ZNF724: variants seen among roughly 807,000 people sequenced by gnomAD.
The protein encoded by ZNF724 is zinc finger protein 724 pseudogene.
ZNF724 carries 14 observed loss-of-function variants against 29.3 expected under a neutral mutation model. The observed-to-expected ratio is 0.48, with a 90% confidence interval of 0.32 to 0.75. The LOEUF is 0.75. ZNF724 is among the 30% of genes least tolerant of loss of function. The pLI, the probability that ZNF724 is intolerant of heterozygous loss-of-function variation, is 0.04. For missense variants in ZNF724, 557 were observed against 571.2 expected, an observed-to-expected ratio of 0.98 and a Z score of 0.25; for synonymous variants, 180 against 193.6, an observed-to-expected ratio of 0.93 and a Z score of 0.58.
intron 1 of ZNF724, among the ~76,000 whole-genome samples, chr19:23,244,452 C>T (rs1330249937): frequency 1.3e-5 from 2 of 152,072 alleles, no homozygotes; most frequent in African/African-American, 4.8e-5. Context: ...GGTCTGTCAT[C>T]AGAGATTCTT....
intron 1 of ZNF724, 113 bp from the exon 2 acceptor site, chr19:23,232,406 GA>G (rs1203860633): frequency 1.6e-6 from 1 of 637,984 alleles, no homozygotes; most frequent in East Asian, 2.7e-5. Flanking sequence ...AAAAGTGAAT[GA>G]AATTATCCAA....
intron 1 of ZNF724, among the ~76,000 whole-genome samples, chr19:23,248,827 T>C (rs926786772): frequency 6.6e-6 from 1 of 151,892 alleles, no homozygotes; most frequent in Non-Finnish European, 1.5e-5. Context: ...AAACTCTGTC[T>C]CTACTAAAAA....
At chr19:23,241,556 T>A (rs1599647130) in intron 1 of ZNF724, among the ~76,000 whole-genome samples, 1 of 152,190 alleles carries the variant, frequency 6.6e-6, no homozygotes, top group African/African-American at 2.4e-5. Flanking sequence ...TATAACCAAG[T>A]AGGCTTTATC....
intron 3 of ZNF724, among the ~76,000 whole-genome samples, chr19:23,228,428 T>C (rs1002473211): frequency 5.5e-4 from 80 of 146,272 alleles, no homozygotes; most frequent in African/African-American, 1.8e-3. Flanking sequence ...CACTCCAGCC[T>C]GGGTGACAGA....
Position 23,223,443 on chromosome 19 carries a change from G to A in ZNF724, c.802C>T (p.His268Tyr), listed in dbSNP as rs775996394. Residue 268 changes from histidine to tyrosine, a missense_variant, in exon 4 of 4, where the codon CAC becomes TAC. Physicochemically the swap from His to Tyr is moderately conservative, Grantham distance 83 (BLOSUM62 2). This residue lies in a region of ZNF724 where 362 missense variants were observed against 295.5 expected (regional missense o/e 1.22). Transcript: ENST00000418100. The stretch of plus-strand genomic sequence containing the variant: ...TGAATTATCTTATGTGTAGTAAGGT[G>A]TGAGGATATGTTAAAAGCTTTTCCA... ...ECGKAFNISS[H>Y]LTTHKIIHTG... The A allele has an allele frequency of 6.5e-6, 5 of 766,404 alleles. No individual in the cohort carries two copies. The South Asian group carries it at 6.8e-5, about 10-fold the overall frequency. The allele number at this position is 766,404 out of a possible 1,614,324, so 47.5% of individuals were successfully genotyped here. A position where few individuals can be genotyped will look rare whatever the true frequency, so the allele number is the denominator to read the frequency against.
At chr19:23,240,052 C>A (rs1418252136) in intron 1 of ZNF724, among the ~76,000 whole-genome samples, 1 of 152,088 alleles carries the variant, frequency 6.6e-6, no homozygotes, top group Non-Finnish European at 1.5e-5. Flanking sequence ...TGACTCATGC[C>A]TGTAATCCTA....
At chr19:23,249,464 G>C (rs1319547710) in intron 1 of ZNF724, among the ~76,000 whole-genome samples, 1 of 150,846 alleles carries the variant, frequency 6.6e-6, no homozygotes, top group Admixed American at 6.6e-5. Flanking sequence ...AATGGCGTCA[G>C]CTCGCCTCAC....
Position 23,222,387 on chromosome 19 carries a change from A to G in ZNF724, c.1858T>C (p.Ter620GlnextTer12), listed in dbSNP as rs1971731007. 9.0e-7 allele frequency: 1 copy of G among 1,109,572 alleles called. No individual in the cohort carries two copies. The highest frequency in any genetic ancestry group is 1.9e-5 in the Admixed American group (1 of 53,602). 68.7% of individuals were successfully genotyped at this position (1,109,572 alleles called of 1,614,324 possible). A position where few individuals can be genotyped will look rare whatever the true frequency, so the allele number is the denominator to read the frequency against. The change falls in exon 4 of 4, where the codon TAA becomes CAA. Residue 620 changes from the stop codon to glutamine (Q), a stop_lost. Coordinates refer to ENST00000418100, the MANE Select transcript of ZNF724 (RefSeq NM_001355404.2). Reference sequence around the variant, plus strand: ...CCACCACGCCTGGTCCATTTTTCTTATTTGTCAGATTTTTCTACAGCATGA... The same window carrying G: ...CCACCACGCCTGGTCCATTTTTCTTGTTTGTCAGATTTTTCTACAGCATGA... Reference protein sequence around the residue: ...KIHAVEKSDK* With the variant: ...KIHAVEKSDKQ
chr19:23,223,519 G>A lies in ZNF724; in HGVS notation c.726C>T (p.Asn242=), dbSNP rs1333218753. 2 of 744,396 alleles carry A rather than the reference G, an allele frequency of 2.7e-6. No homozygotes were observed. Among genetic ancestry groups the A allele is most frequent in the Non-Finnish European group, 5.0e-6 (2 of 400,698 alleles). The allele number at this position is 744,396 out of a possible 1,614,324, so 46.1% of individuals were successfully genotyped here. Residue 242 remains asparagine, a synonymous_variant, in exon 4 of 4, where the codon AAC becomes AAT. Coordinates refer to ENST00000418100, the MANE Select transcript of ZNF724 (RefSeq NM_001355404.2). ...CTCCAGTATGAATTATCTTATGTGTGTTAAGGTGTGAGGACTTGTTAAAGG... is the reference window on the plus strand; with the variant it reads ...CTCCAGTATGAATTATCTTATGTGTATTAAGGTGTGAGGACTTGTTAAAGG... ...GIAFNKSSHL[N]THKIIHTGEK...
rs1972237776 is a variant in ZNF724 at position 23,246,498 on chromosome 19, T to C, written c.3+3742A>G. 2.0e-5 allele frequency among the ~76,000 whole-genome samples: 3 copies of C among 151,666 alleles called. No individual in the cohort carries two copies. In the South Asian group the frequency reaches 6.2e-4, roughly 31 times the overall value. On this transcript the variant is annotated intron_variant, in intron 1 of 3. Transcript: ENST00000418100. ...GGTGAAACACTGTCTCTACTAAAAA[T>C]ACAAAAATTAGCTGGGCGTGGTGGC...
chr19:23,226,566 T>C (rs1971831038), intron 3 of ZNF724, among the ~76,000 whole-genome samples: 1 of 152,216 alleles, frequency 6.6e-6, no homozygotes, highest in Non-Finnish European at 1.5e-5. Flanking sequence ...AAGTAAAGAA[T>C]TATGAATCTT....
chr19:23,250,160 C>G (rs1005792373), intron 1 of ZNF724, 80 bp downstream of exon 1: 9 of 560,694 alleles, frequency 1.6e-5, no homozygotes, highest in Admixed American at 5.7e-5. Context: ...GCGGGGAGGC[C>G]CGAGTCCGCC....
chr19:23,222,849 T>G lies in ZNF724; in HGVS notation c.1396A>C (p.Thr466Pro). 1 of 1,412,538 alleles carries G rather than the reference T, an allele frequency of 7.1e-7. No homozygotes were observed. Among genetic ancestry groups the G allele is most frequent in the African/African-American group, 1.4e-5 (1 of 70,812 alleles). 87.5% of individuals were successfully genotyped at this position (1,412,538 alleles called of 1,614,324 possible). Residue 466 changes from threonine to proline, a missense_variant, in exon 4 of 4, where the codon ACT becomes CCT. Thr to Pro is a conservative substitution (Grantham distance 38). This residue lies in a region of ZNF724 where 170 missense variants were observed against 220.7 expected (regional missense o/e 0.77). Transcript: ENST00000418100. ...GKAFKRSSNL[T>P]EHRIIHTGEK... is the part of the protein sequence containing the mutation. ...CCAGTATGAATTATCCTATGTTCAG[T>G]AAGGTTTGAGGACCGCTTAAAAGCT...
At chr19:23,248,566 A>AG (rs1479413210) in intron 1 of ZNF724, among the ~76,000 whole-genome samples, 2 of 150,090 alleles carry the variant, frequency 1.3e-5, no homozygotes, top group East Asian at 3.9e-4. Flanking sequence ...TTGAAAAAAA[A>AG]TCTAACTCAA....
rs1971751220 is a variant in ZNF724, at chr19:23,223,073, T to C, written c.1172A>G (p.Glu391Gly). Residue 391 changes from glutamate (E) to glycine (G), a missense_variant, in exon 4 of 4, where the codon GAA becomes GGA. Coordinates refer to ENST00000418100, the MANE Select transcript of ZNF724 (RefSeq NM_001355404.2). ...ACATTCTTCACATTTGTATGGTTTT[T>C]CTCCAGTATGAATTCTCTTATGTTG... is the stretch of plus-strand genomic sequence containing the variant. The part of the protein sequence containing the change: ...LTQHKRIHTG[E>G]KPYKCEECGK... 10 of 1,280,728 alleles carry C rather than the reference T, an allele frequency of 7.8e-6. No individual in the cohort carries two copies. The highest frequency in any genetic ancestry group is 1.1e-5 in the Non-Finnish European group (10 of 877,474). 79.3% of individuals were successfully genotyped at this position (1,280,728 alleles called of 1,614,324 possible). A position where few individuals can be genotyped will look rare whatever the true frequency, so the allele number is the denominator to read the frequency against.
At chr19:23,227,270 G>A (rs1309362100) in intron 3 of ZNF724, among the ~76,000 whole-genome samples, 1 of 151,848 alleles carries the variant, frequency 6.6e-6, no homozygotes, top group African/African-American at 2.4e-5. Context: ...AAATTTAGAA[G>A]CAGGCCAGGC....
At chr19:23,225,746 A>G (rs923314989) in intron 3 of ZNF724, among the ~76,000 whole-genome samples, 1 of 152,182 alleles carries the variant, frequency 6.6e-6, no homozygotes, top group Non-Finnish European at 1.5e-5. Context: ...AAAGAGTCAC[A>G]CTCATAAAAA....
rs1238473046 is a variant in ZNF724, at chr19:23,223,373, A to G, written c.872T>C (p.Phe291Ser). The G allele has an allele frequency of 2.6e-6, 2 of 770,842 alleles. No homozygotes were observed. Among genetic ancestry groups the G allele is most frequent in the Non-Finnish European group, 4.8e-6 (2 of 413,800 alleles). 47.8% of individuals were successfully genotyped at this position (770,842 alleles called of 1,614,324 possible). A position where few individuals can be genotyped will look rare whatever the true frequency, so the allele number is the denominator to read the frequency against. ...TCTAGTAAGGGTTGATGATTGGTTA[A>G]AAGCTTTGCCACATTCTTTACATTT... Reference protein sequence around the residue: ...AYKCKECGKAFNQSSTLTRHK... With the variant: ...AYKCKECGKASNQSSTLTRHK... Residue 291 changes from phenylalanine (F) to serine (S), a missense_variant, in exon 4 of 4, where the codon TTT becomes TCT. Transcript: ENST00000418100.
At chr19:23,236,379 C>T (rs1295791011) in intron 1 of ZNF724, 1 of 152,176 alleles carries the variant, frequency 6.6e-6, no homozygotes, top group African/African-American at 2.4e-5. Context: ...GTTTCAGCTT[C>T]AGTTTCTATT....
Sources: allele counts gnomAD v4.1 joint callset (sites outside exome capture counted in the v4.1 genomes callset), GRCh38; gene constraint gnomAD v4.1.1; regional missense constraint gnomAD v4.1.1; transcripts MANE v1.5; gene names NCBI Gene and HGNC (gene_info 2026-07-23, HGNC 2026-07-21).